The following KCNMB2 variants were observed in gnomAD, a reference collection of about 807,000 sequenced individuals.
The protein encoded by KCNMB2 is potassium calcium-activated channel subfamily M regulatory beta subunit 2.
A neutral mutation model predicts 24.5 loss-of-function variants in KCNMB2; 9 were observed. The observed-to-expected ratio is 0.37, with a 90% CI of 0.22 to 0.64. The LOEUF is 0.64. Among genes scored for constraint, KCNMB2 ranks in the 30% least tolerant of loss-of-function variants. The pLI is 0.63. For missense variants in KCNMB2, 226 were observed against 284.3 expected, an observed-to-expected ratio of 0.79 and a Z score of 1.47; for synonymous variants, 109 against 104.4, an observed-to-expected ratio of 1.04 and a Z score of -0.27.
intron 1 of KCNMB2, among the ~76,000 whole-genome samples, chr3:178,663,947 G>T (rs1720626355): frequency 6.6e-6 from 1 of 152,046 alleles, no homozygotes; most frequent in East Asian, 1.9e-4. Flanking sequence ...AAGAGTTATG[G>T]CAATGAAACA....
intron 1 of KCNMB2, among the ~76,000 whole-genome samples, chr3:178,546,926 G>A (rs1715792832): frequency 6.6e-6 from 1 of 152,230 alleles, no homozygotes; most frequent in Admixed American, 6.5e-5. Context: ...AGGCAGCTGT[G>A]AGATGGCGGA....
intron 1 of KCNMB2, among the ~76,000 whole-genome samples, chr3:178,779,308 T>C (rs777334538): frequency 3.9e-5 from 6 of 152,218 alleles, no homozygotes; most frequent in Non-Finnish European, 8.8e-5. Flanking sequence ...TCTCTAAAGT[T>C]TGTATTTATG....
chr3:178,738,022 G>A (rs1461903779), intron 1 of KCNMB2, among the ~76,000 whole-genome samples: 1 of 152,072 alleles, frequency 6.6e-6, no homozygotes, highest in Non-Finnish European at 1.5e-5. Flanking sequence ...GAGATCAGAA[G>A]GTATTGGTGT....
intron 1 of KCNMB2, among the ~76,000 whole-genome samples, chr3:178,699,911 T>C (rs901200656): frequency 6.6e-6 from 1 of 152,194 alleles, no homozygotes; most frequent in African/African-American, 2.4e-5. Flanking sequence ...TCTAGAGGCC[T>C]GTGGCAAGAA....
At chr3:178,566,548 T>C (rs1384184186) in intron 1 of KCNMB2, among the ~76,000 whole-genome samples, 3 of 152,194 alleles carry the variant, frequency 2.0e-5, no homozygotes, top group South Asian at 2.1e-4. Flanking sequence ...TCAAAAGAAA[T>C]GTTAGTCTAC....
At chr3:178,703,878 G>C (rs1294478999) in intron 1 of KCNMB2, among the ~76,000 whole-genome samples, 1 of 152,194 alleles carries the variant, frequency 6.6e-6, no homozygotes, top group Non-Finnish European at 1.5e-5. Context: ...TAAGATGTTA[G>C]AGTGAGGAAC....
Position 178,825,572 on chromosome 3 carries a change from T to C in KCNMB2, c.57-16T>C, listed in dbSNP as rs771069623. ...TAACTAAACTTAATGTAAGACCATA[T>C]TGTTTTTAACCTCAGAAATATTTAC... is the stretch of plus-strand genomic sequence containing the variant. On this transcript the variant is annotated splice_polypyrimidine_tract_variant and intron_variant, in intron 2 of 4. Coordinates refer to ENST00000452583, the MANE Select transcript of KCNMB2 (RefSeq NM_181361.3). The C allele has an allele frequency of 1.2e-6, 2 of 1,605,566 alleles. No homozygotes were observed. Among genetic ancestry groups the C allele is most frequent in the Non-Finnish European group, 8.5e-7 (1 of 1,173,404 alleles).
intron 2 of KCNMB2, among the ~76,000 whole-genome samples, chr3:178,817,883 C>G (rs1304498783): frequency 6.6e-6 from 1 of 152,112 alleles, no homozygotes; most frequent in African/African-American, 2.4e-5. Flanking sequence ...ATTTTGTGAG[C>G]CTAATAAATG....
chr3:178,710,218 C>A (rs1431891567), intron 1 of KCNMB2, among the ~76,000 whole-genome samples: 1 of 152,124 alleles, frequency 6.6e-6, no homozygotes, highest in African/African-American at 2.4e-5. Context: ...CTAAATGGCA[C>A]CCTCAAGCCA....
rs775022162 is a variant in KCNMB2 at position 178,620,108 on chromosome 3, G to A, written c.-68+83397G>A. Among the ~76,000 whole-genome samples, 5 of 152,038 alleles carry A rather than the reference G, an allele frequency of 3.3e-5. No individual in the cohort carries two copies. The East Asian group carries it at 9.6e-4, about 29-fold the overall frequency. On this transcript the variant is annotated intron_variant, in intron 1 of 4. Coordinates refer to ENST00000452583, the MANE Select transcript of KCNMB2 (RefSeq NM_181361.3). ...AAAAAGAAACTGAGGCTCCCACAGG[G>A]GAATGTTTATATATATTATGATATG...
intron 1 of KCNMB2, among the ~76,000 whole-genome samples, chr3:178,551,730 G>C (rs1422533793): frequency 1.3e-5 from 2 of 152,172 alleles, no homozygotes; most frequent in African/African-American, 4.8e-5. Flanking sequence ...CCTGCATTCT[G>C]TCATTTAAAG....
At chr3:178,732,160 A>G (rs1723173374) in intron 1 of KCNMB2, among the ~76,000 whole-genome samples, 2 of 152,254 alleles carry the variant, frequency 1.3e-5, no homozygotes, top group South Asian at 4.1e-4. Context: ...TACAACAGTG[A>G]CTGGATATTT....
intron 1 of KCNMB2, among the ~76,000 whole-genome samples, chr3:178,773,127 C>G (rs1281584663): frequency 6.6e-6 from 1 of 152,144 alleles, no homozygotes; most frequent in African/African-American, 2.4e-5. Context: ...GCAGGCTGTT[C>G]CCGGATCACA....
chr3:178,568,773 T>C (rs1057345318), intron 1 of KCNMB2, among the ~76,000 whole-genome samples: 1 of 115,970 alleles, frequency 8.6e-6, no homozygotes, highest in Non-Finnish European at 1.8e-5. Flanking sequence ...GATAGATAGA[T>C]GATAGATAGA....
At chr3:178,777,802 T>C (rs1157648506) in intron 1 of KCNMB2, among the ~76,000 whole-genome samples, 1 of 152,218 alleles carries the variant, frequency 6.6e-6, no homozygotes, top group Non-Finnish European at 1.5e-5. Context: ...CTTATAGTAA[T>C]TATTTTTAGT....
intron 1 of KCNMB2, among the ~76,000 whole-genome samples, chr3:178,710,694 C>T (rs1056174238): frequency 1.3e-5 from 2 of 152,128 alleles, no homozygotes; most frequent in Non-Finnish European, 2.9e-5. Flanking sequence ...AGCCATTATG[C>T]AGATGAAAGC....
chr3:178,646,316 C>T (rs1465486314), intron 1 of KCNMB2, among the ~76,000 whole-genome samples: 2 of 152,186 alleles, frequency 1.3e-5, no homozygotes, highest in South Asian at 2.1e-4. Flanking sequence ...CTGACAATGG[C>T]TCAACCTCCA....
At chr3:178,802,756 C>G (rs1186394307) in intron 1 of KCNMB2, among the ~76,000 whole-genome samples, 1 of 152,088 alleles carries the variant, frequency 6.6e-6, no homozygotes, top group East Asian at 1.9e-4. Flanking sequence ...GAGGCACTAT[C>G]TTTATGTCTT....
At chr3:178,754,682 A>C (rs1028666612) in intron 1 of KCNMB2, among the ~76,000 whole-genome samples, 3 of 152,116 alleles carry the variant, frequency 2.0e-5, no homozygotes, top group Admixed American at 6.5e-5. Flanking sequence ...CACATTCTCT[A>C]ATCTGACGTT....
Sources: gnomAD v4.1 joint callset for allele counts (sites outside exome capture counted in the v4.1 genomes callset) on GRCh38, gnomAD v4.1.1 for gene constraint, MANE v1.5 for transcripts, NCBI Gene and HGNC (gene_info 2026-07-23, HGNC 2026-07-21) for gene names.